Variants in OR10J1 observed in about 807,000 individuals in gnomAD.
OR10J1 encodes the protein olfactory receptor 10J1.
For missense variants in OR10J1, 474 were observed against 376.6 expected (o/e 1.26, Z -2.14); for synonymous variants, 202 against 143.8 (o/e 1.40, Z -2.89).
chr1:159,423,391 T>C, the OR10J1 span, among the ~76,000 whole-genome samples: 1 of 152,238 alleles, frequency 6.6e-6, no homozygotes, highest in Non-Finnish European at 1.5e-5. Context: ...CATTGATCTA[T>C]ATGATTTCAA....
the OR10J1 span, chr1:159,432,487 T>A: frequency 2.4e-6 from 1 of 424,308 alleles, no homozygotes. Context: ...ACCATCTCCA[T>A]CCCAGGCTGT....
the OR10J1 span, among the ~76,000 whole-genome samples, chr1:159,397,772 C>G: frequency 6.6e-6 from 1 of 152,196 alleles, no homozygotes; most frequent in Non-Finnish European, 1.5e-5. Context: ...GTTTTTGACT[C>G]TAGTCCCTGA....
the OR10J1 span, among the ~76,000 whole-genome samples, chr1:159,419,727 A>G: frequency 6.6e-6 from 1 of 152,066 alleles, no homozygotes. Context: ...ATTTGTTGAG[A>G]CTTGTTTTGT....
At chr1:159,423,631 T>C in the OR10J1 span, among the ~76,000 whole-genome samples, 1 of 152,164 alleles carries the variant, frequency 6.6e-6, no homozygotes, top group Non-Finnish European at 1.5e-5. Flanking sequence ...GTGTAGACAA[T>C]GAGGAGATTA....
upstream of OR10J1, among the ~76,000 whole-genome samples, chr1:159,437,328 A>T (rs1655764867): frequency 6.6e-6 from 1 of 152,158 alleles, no homozygotes; most frequent in African/African-American, 2.4e-5. Context: ...GACCATATTT[A>T]AATACTTCTT....
At position 159,439,735 on chromosome 1, in the gene OR10J1, C is replaced by T. The variant is rs1480617624; in HGVS notation, c.-57C>T. 2 of 1,605,538 alleles carry T rather than the reference C, an allele frequency of 1.2e-6. No individual in the cohort carries two copies. The highest frequency in any genetic ancestry group is 1.7e-6 in the Non-Finnish European group (2 of 1,174,220). On this transcript the variant is annotated 5_prime_UTR_variant, in exon 1 of 1. Coordinates refer to ENST00000423932, the MANE Select transcript of OR10J1 (RefSeq NM_012351.3). Reference sequence around the variant, plus strand: ...CAATTTCAGAAATGTGCTTCTACTGCTTTACTGGGACTATGTGACTTTTAT... The same window carrying T: ...CAATTTCAGAAATGTGCTTCTACTGTTTTACTGGGACTATGTGACTTTTAT...
the OR10J1 span, among the ~76,000 whole-genome samples, chr1:159,422,542 A>G: frequency 2.6e-5 from 4 of 152,230 alleles, no homozygotes; most frequent in African/African-American, 9.6e-5. Context: ...TCCCAGGAGT[A>G]GCAGCGGTAG....
chr1:159,425,286 A>G, the OR10J1 span, among the ~76,000 whole-genome samples: 1 of 152,124 alleles, frequency 6.6e-6, no homozygotes, highest in Admixed American at 6.6e-5. Context: ...AGACAAGAAA[A>G]TCCCAGCATT....
chr1:159,420,581 T>C, the OR10J1 span, among the ~76,000 whole-genome samples: 4 of 152,150 alleles, frequency 2.6e-5, no homozygotes, highest in Admixed American at 6.6e-5. Context: ...CCCTTAAGCA[T>C]TTCTTGTGGG....
At chr1:159,424,374 A>G in the OR10J1 span, among the ~76,000 whole-genome samples, 10 of 150,508 alleles carry the variant, frequency 6.6e-5, no homozygotes, top group African/African-American at 2.4e-4. Flanking sequence ...GCATATATGT[A>G]TATGTGCATA....
chr1:159,421,010 T>C, the OR10J1 span, among the ~76,000 whole-genome samples: 3 of 152,272 alleles, frequency 2.0e-5, no homozygotes, highest in South Asian at 4.1e-4. Context: ...TTTGTTTTCT[T>C]CTTGTCTTCT....
the OR10J1 span, among the ~76,000 whole-genome samples, chr1:159,409,413 CT>C: frequency 6.6e-6 from 1 of 151,622 alleles, no homozygotes; most frequent in Admixed American, 6.6e-5. Context: ...TCAAATTCCA[CT>C]TTCTTTTTAA....
the OR10J1 span, among the ~76,000 whole-genome samples, chr1:159,408,978 C>T: frequency 6.6e-6 from 1 of 151,850 alleles, no homozygotes; most frequent in Admixed American, 6.6e-5. Context: ...AAGCTATGAC[C>T]CTGGGATTGA....
chr1:159,426,406 A>T, the OR10J1 span, among the ~76,000 whole-genome samples: 1 of 151,914 alleles, frequency 6.6e-6, no homozygotes, highest in Non-Finnish European at 1.5e-5. Context: ...TGCTCATAAC[A>T]AACAAAATAT....
rs748190039 is a variant in OR10J1, at chr1:159,440,575, A to T, written c.784A>T (p.Lys262Ter). Residue 262 changes from lysine to a stop codon, truncating the protein, a stop_gained, in exon 1 of 1, where the codon AAG becomes TAG. Transcript: ENST00000423932. LOFTEE classifies it low-confidence loss of function (END_TRUNC). Reference protein sequence around the residue: ...SCASIAYLKPKSENTREHDQL... With the variant: ...SCASIAYLKP ...TGCCTCCATTGCCTACCTCAAGCCCAAGTCAGAGAACACCAGAGAACATGA... is the reference window on the plus strand; with the variant it reads ...TGCCTCCATTGCCTACCTCAAGCCCTAGTCAGAGAACACCAGAGAACATGA... 6.2e-7 allele frequency: 1 copy of T among 1,613,790 alleles called. No individual in the cohort carries two copies. The highest frequency in any genetic ancestry group is 1.7e-5 in the Admixed American group (1 of 59,986).
At chr1:159,426,244 T>C in the OR10J1 span, among the ~76,000 whole-genome samples, 1 of 151,900 alleles carries the variant, frequency 6.6e-6, no homozygotes, top group Non-Finnish European at 1.5e-5. Flanking sequence ...ATTAAGCTAA[T>C]TAATGGAAAC....
At chr1:159,403,596 C>A in the OR10J1 span, among the ~76,000 whole-genome samples, 1 of 151,980 alleles carries the variant, frequency 6.6e-6, no homozygotes, top group Non-Finnish European at 1.5e-5. Context: ...TGGTTTATAT[C>A]CAAAAGACAA....
At chr1:159,411,595 T>C in the OR10J1 span, among the ~76,000 whole-genome samples, 1 of 152,174 alleles carries the variant, frequency 6.6e-6, no homozygotes, top group African/African-American at 2.4e-5. Flanking sequence ...TATGTGTCTC[T>C]GCACATGAGA....
chr1:159,400,393 C>G, the OR10J1 span, among the ~76,000 whole-genome samples: 1 of 151,012 alleles, frequency 6.6e-6, no homozygotes, highest in Non-Finnish European at 1.5e-5. Context: ...TATTCCATCC[C>G]AATGGAAAAC....
Sources: allele counts gnomAD v4.1 joint callset (sites outside exome capture counted in the v4.1 genomes callset), GRCh38; gene constraint gnomAD v4.1.1; transcripts MANE v1.5; gene names NCBI Gene and HGNC (gene_info 2026-07-23, HGNC 2026-07-21).